The following TXNL4A variants were observed in gnomAD, a reference collection of about 807,000 sequenced individuals.
The protein encoded by TXNL4A is thioredoxin like 4A.
A neutral mutation model predicts 14.6 loss-of-function variants in TXNL4A; 17 were observed. The ratio of observed to expected loss-of-function variants is 1.16; its 90% CI spans 0.80 to 1.74. The LOEUF (loss-of-function observed/expected upper bound fraction) is 1.74. Among genes scored for constraint, TXNL4A ranks in the 40% most tolerant of loss-of-function variants. The pLI is 0.00. For synonymous variants in TXNL4A, 83 were observed against 70.6 expected, an observed-to-expected ratio of 1.18 and a Z score of -0.88; for missense variants, 74 against 195.2, an observed-to-expected ratio of 0.38 and a Z score of 3.70.
chr18:80,029,569 C>T (rs370741540), intron 1 of TXNL4A, among the ~76,000 whole-genome samples: 219 of 152,286 alleles, frequency 1.4e-3, no homozygotes, highest in African/African-American at 5.1e-3. Context: ...ACTTTACTGG[C>T]CAGGTTATTC....
At chr18:79,977,530 G>A in intron 2 of TXNL4A, 68 bp downstream of exon 2, 1 of 1,297,302 alleles carries the variant, frequency 7.7e-7, no homozygotes, top group Non-Finnish European at 1.1e-6. Context: ...AATCTAAAGA[G>A]ATCTTGATTA....
chr18:79,978,086 G>A (rs1270836105), intron 1 of TXNL4A, among the ~76,000 whole-genome samples: 1 of 151,942 alleles, frequency 6.6e-6, no homozygotes, highest in African/African-American at 2.4e-5. Flanking sequence ...TCACGCCACC[G>A]TTTCCCAGAA....
rs1211796421 is a variant in TXNL4A, at chr18:79,988,016, TTTAAA to T, written c.153+219_153+223del. ...TTGAGAGGAGGGGGATCATAAACCC[TTTAAA>T]ATATGAAAAACTACAAGAGCTCCCC... On this transcript the variant is annotated intron_variant, in intron 1 of 2. Coordinates refer to ENST00000269601, the MANE Select transcript of TXNL4A (RefSeq NM_006701.5). Among the ~76,000 whole-genome samples the T allele has an allele frequency of 5.2e-3, 788 of 152,360 alleles. 6 individuals are homozygous for T. The highest frequency in any genetic ancestry group is 0.018 in the African/African-American group (741 of 41,582).
chr18:80,012,554 G>A (rs1204142215), intron 1 of TXNL4A, among the ~76,000 whole-genome samples: 1 of 152,192 alleles, frequency 6.6e-6, no homozygotes, highest in Non-Finnish European at 1.5e-5. Flanking sequence ...TGTGGTTCAT[G>A]AGAGTTTCAG....
chr18:80,015,731 T>A (rs1288414676), intron 1 of TXNL4A, among the ~76,000 whole-genome samples: 2 of 150,932 alleles, frequency 1.3e-5, no homozygotes, highest in Non-Finnish European at 3.0e-5. Context: ...ATGGTGTATA[T>A]GTGCCACATT....
intron 1 of TXNL4A, among the ~76,000 whole-genome samples, chr18:80,030,819 T>C (rs2051916135): frequency 6.6e-6 from 1 of 151,948 alleles, no homozygotes; most frequent in Non-Finnish European, 1.5e-5. Flanking sequence ...ATGCAAAAAT[T>C]AGCCAGGTGT....
At position 80,007,073 on chromosome 18, in the gene TXNL4A, G is replaced by A. The variant is rs577908096; in HGVS notation, c.-61+26778C>T. The stretch of plus-strand genomic sequence containing the variant: ...CGGCATTCACCTATGCAGGCTTCCA[G>A]CTGGCTTATCTGTGTCTGCAGCTCA... On this transcript the variant is annotated intron_variant, in intron 1 of 2. Coordinates refer to the TXNL4A transcript ENST00000585474. Among the ~76,000 whole-genome samples the A allele has an allele frequency of 1.8e-3, 279 of 152,184 alleles. 1 individual carries two copies. Among genetic ancestry groups the A allele is most frequent in the African/African-American group, 6.2e-3 (256 of 41,530 alleles).
intron 1 of TXNL4A, among the ~76,000 whole-genome samples, chr18:79,980,781 A>G (rs1488666868): frequency 1.3e-5 from 2 of 150,806 alleles, no homozygotes; most frequent in Non-Finnish European, 3.0e-5. Context: ...AGGAGCATGC[A>G]ACTCGCCATC....
rs2051642842 is a variant in TXNL4A, at chr18:79,993,794, A to G, written c.-60-16093T>C. ...AGGGTGTCTGGGAGGAAAGCACCTT[A>G]AGACGTGCAACAGCTCTGAGCTGGT... On this transcript the variant is annotated intron_variant, in intron 1 of 2. Coordinates refer to the TXNL4A transcript ENST00000585474. This position sits in a 1 kb window ranked among gnomAD's most constrained non-coding sequence, Gnocchi z 4.4. Among the ~76,000 whole-genome samples, 4 of 152,208 alleles carry G rather than the reference A, an allele frequency of 2.6e-5. No individual in the cohort carries two copies. In the East Asian group the frequency reaches 7.7e-4, roughly 29 times the overall value.
intron 1 of TXNL4A, among the ~76,000 whole-genome samples, chr18:80,012,916 G>A (rs1223260748): frequency 2.0e-5 from 3 of 151,072 alleles, no homozygotes; most frequent in Non-Finnish European, 4.4e-5. Context: ...GCGGCCGGCC[G>A]CCCCCTCGCC....
Position 79,973,342 on chromosome 18 carries a change from A to C in TXNL4A, c.*343T>G. ...AGAGCACACATCTCTGTTAAAGCCC[A>C]GCTCGCGGCATATGCTGTCACCGCA... On this transcript the variant is annotated 3_prime_UTR_variant, in exon 3 of 3. Coordinates refer to ENST00000269601, the MANE Select transcript of TXNL4A (RefSeq NM_006701.5). 4.9e-6 allele frequency: 1 copy of C among 202,900 alleles called. No individual in the cohort carries two copies. Among genetic ancestry groups the C allele is most frequent in the Non-Finnish European group, 9.9e-6 (1 of 100,796 alleles). The allele number at this position is 202,900 out of a possible 1,614,324, so 12.6% of individuals were successfully genotyped here.
In TXNL4A at chr18:79,972,366, G is replaced by A. The variant is rs755873779; in HGVS notation, c.*1319C>T. 1.3e-5 allele frequency: 2 copies of A among 152,408 alleles called. No individual in the cohort carries two copies. The highest frequency in any genetic ancestry group is 2.4e-5 in the African/African-American group (1 of 41,460). The allele number at this position is 152,408 out of a possible 1,614,324, so 9.4% of individuals were successfully genotyped here. On this transcript the variant is annotated 3_prime_UTR_variant, in exon 3 of 3. Transcript: ENST00000269601. ...CCTGCCCTTCCTCACTTTCACTTCA[G>A]AGCTCGAGTGTGCTGAGACGGGACA...
intron 1 of TXNL4A, among the ~76,000 whole-genome samples, chr18:80,029,107 A>G (rs1011168642): frequency 6.6e-6 from 1 of 152,212 alleles, no homozygotes; most frequent in Admixed American, 6.5e-5. Context: ...TCAGGGAGAC[A>G]CTTTTCTCCC....
At chr18:79,988,069 G>C (rs569703818) in intron 1 of TXNL4A, among the ~76,000 whole-genome samples, 171 bp downstream of exon 1, 7 of 152,264 alleles carry the variant, frequency 4.6e-5, no homozygotes, top group Non-Finnish European at 2.9e-5. Context: ...GTGAAACGCC[G>C]GCACAGTCCC....
chr18:80,006,438 G>A (rs8091879), intron 1 of TXNL4A, among the ~76,000 whole-genome samples: 116,968 of 151,964 alleles, frequency 0.77, 46,042 homozygotes, highest in East Asian at 0.91. Flanking sequence ...GCAGTGGGGC[G>A]CCTCAGAGAG....
chr18:80,024,923 G>A (rs2051874710), intron 1 of TXNL4A, among the ~76,000 whole-genome samples: 1 of 152,200 alleles, frequency 6.6e-6, no homozygotes, highest in Non-Finnish European at 1.5e-5. Context: ...TCTAAATTAT[G>A]AGGAACAAGT....
intron 1 of TXNL4A, among the ~76,000 whole-genome samples, chr18:80,003,242 C>T (rs965055943): frequency 6.6e-6 from 1 of 152,258 alleles, no homozygotes; most frequent in African/African-American, 2.4e-5. Context: ...GCTACATCCT[C>T]AAGAGCTCAT....
rs1436592451 is a variant in TXNL4A, at chr18:79,973,753, G to A, written c.361C>T (p.Arg121Cys). The A allele has an allele frequency of 1.9e-6, 3 of 1,614,154 alleles. No homozygotes were observed. The highest frequency in any genetic ancestry group is 1.7e-5 in the Admixed American group (1 of 60,024). ...EMVDIIETVYRGARKGRGLVV... is the reference protein window; with the variant it reads ...EMVDIIETVYCGARKGRGLVV... ...AGGCCGCGGCCTTTGCGGGCCCCGC[G>A]GTACACCGTCTCGATGATGTCCACC... The change falls in exon 3 of 3, where the codon CGC (arginine) becomes TGC (cysteine). Residue 121 changes from arginine to cysteine, a missense_variant. By Grantham distance (180) the Arg-to-Cys change is radical. Around this residue, in one of 3 missense-constraint regions of TXNL4A, gnomAD observed 19 missense variants for 60.6 expected, o/e 0.31. Transcript: ENST00000269601.
At chr18:79,985,666 T>C (rs1197160868) in intron 1 of TXNL4A, 2 of 152,256 alleles carry the variant, frequency 1.3e-5, no homozygotes, top group African/African-American at 2.4e-5. Flanking sequence ...ACTGACTTTA[T>C]TCCTGAAGTT....
Sources: gnomAD v4.1 joint callset for allele counts (sites outside exome capture counted in the v4.1 genomes callset) on GRCh38, gnomAD v4.1.1 for gene constraint, gnomAD v4.1.1 regional missense constraint, Gnocchi (gnomAD v3.1) non-coding constraint, MANE v1.5 for transcripts, NCBI Gene and HGNC (gene_info 2026-07-23, HGNC 2026-07-21) for gene names.